BCKDHB: variants seen among roughly 807,000 people sequenced by gnomAD.
The protein encoded by BCKDHB is 2-oxoisovalerate dehydrogenase subunit beta, mitochondrial.
Under a neutral mutation model 48.5 loss-of-function variants are expected in BCKDHB, and 41 were observed. The observed-to-expected ratio is 0.85, with a 90% confidence interval of 0.66 to 1.10. The LOEUF is 1.10. Ranked by LOEUF, BCKDHB falls within the 50% of genes least tolerant of loss-of-function variation. The pLI is 0.00. For synonymous variants in BCKDHB, 201 were observed against 174.8 expected, an observed-to-expected ratio of 1.15 and a Z score of -1.18; for missense variants, 496 against 494.2, an observed-to-expected ratio of 1.00 and a Z score of -0.03.
intron 1 of BCKDHB, among the ~76,000 whole-genome samples, chr6:80,111,109 A>G (rs188275617): frequency 9.8e-5 from 15 of 152,320 alleles, no homozygotes; most frequent in African/African-American, 3.4e-4. Flanking sequence ...CAATTTGACA[A>G]ATCAAAGGAG....
chr6:80,299,542 G>T (rs966180573), intron 9 of BCKDHB, among the ~76,000 whole-genome samples: 1 of 152,126 alleles, frequency 6.6e-6, no homozygotes, highest in African/African-American at 2.4e-5. Flanking sequence ...TAAAGTGAAA[G>T]CAAGTTTATT....
the BCKDHB span, among the ~76,000 whole-genome samples, chr6:80,410,213 T>A: frequency 6.6e-6 from 1 of 152,212 alleles, no homozygotes; most frequent in Non-Finnish European, 1.5e-5. Flanking sequence ...TGAAGCTTTG[T>A]TTGGCTGGAT....
At chr6:80,466,285 CTTATTTACGTACA>C in the BCKDHB span, among the ~76,000 whole-genome samples, 1 of 152,012 alleles carries the variant, frequency 6.6e-6, no homozygotes, top group African/African-American at 2.4e-5. Context: ...TTCTATTTCT[CTTATTTACGTACA>C]TTATTAACAA....
chr6:80,295,697 T>A (rs1181961824), intron 9 of BCKDHB, among the ~76,000 whole-genome samples: 2 of 151,856 alleles, frequency 1.3e-5, no homozygotes, highest in Non-Finnish European at 2.9e-5. Context: ...TACTCACAAC[T>A]AGTTTGCAAA....
At chr6:80,440,959 G>A in the BCKDHB span, 2 of 152,242 alleles carry the variant, frequency 1.3e-5, no homozygotes, top group South Asian at 4.1e-4. Flanking sequence ...TACAGTCCAG[G>A]TGGCTGGTGG....
chr6:80,461,756 C>T, the BCKDHB span, among the ~76,000 whole-genome samples: 4 of 152,156 alleles, frequency 2.6e-5, no homozygotes, highest in Admixed American at 6.5e-5. Context: ...CTATGCCCTT[C>T]CTTCTTCCTG....
intron 3 of BCKDHB, among the ~76,000 whole-genome samples, chr6:80,138,942 C>T (rs1404868522): frequency 2.6e-5 from 4 of 152,196 alleles, no homozygotes; most frequent in Non-Finnish European, 4.4e-5. Context: ...GTTCCTATTT[C>T]TCCACATCCT....
intron 1 of BCKDHB, among the ~76,000 whole-genome samples, chr6:80,120,749 A>C (rs1769968091): frequency 6.6e-6 from 1 of 152,168 alleles, no homozygotes; most frequent in East Asian, 1.9e-4. Flanking sequence ...TTCTTTGTAG[A>C]TTCTGGATAT....
intron 8 of BCKDHB, among the ~76,000 whole-genome samples, chr6:80,257,342 C>T (rs9341809): frequency 0.78 from 109,954 of 140,916 alleles, 40,996 homozygotes; most frequent in African/African-American, 0.87. Flanking sequence ...TGTATCTATA[C>T]ACACACACAC....
chr6:80,311,858 A>G (rs1174947450), intron 9 of BCKDHB, among the ~76,000 whole-genome samples: 1 of 152,106 alleles, frequency 6.6e-6, no homozygotes, highest in Admixed American at 6.6e-5. Flanking sequence ...GTCGAGTAAC[A>G]TTGATGCCTC....
chr6:80,419,002 G>T, the BCKDHB span, among the ~76,000 whole-genome samples: 2 of 152,182 alleles, frequency 1.3e-5, no homozygotes, highest in African/African-American at 2.4e-5. Context: ...GGTCACTCAG[G>T]TCAGGGCAGA....
chr6:80,396,041 T>C, the BCKDHB span, among the ~76,000 whole-genome samples: 1 of 152,148 alleles, frequency 6.6e-6, no homozygotes, highest in Non-Finnish European at 1.5e-5. Flanking sequence ...CAGGCAGAAG[T>C]TTGCTGTAGA....
intron 9 of BCKDHB, among the ~76,000 whole-genome samples, chr6:80,306,575 T>C (rs532332177): frequency 1.3e-5 from 2 of 152,170 alleles, no homozygotes; most frequent in African/African-American, 2.4e-5. Flanking sequence ...CAGAAATCAG[T>C]TAATTAAAAA....
intron 8 of BCKDHB, among the ~76,000 whole-genome samples, chr6:80,230,540 A>C (rs1775884841): frequency 6.6e-6 from 1 of 152,164 alleles, no homozygotes; most frequent in Non-Finnish European, 1.5e-5. Flanking sequence ...GCCAGATAGT[A>C]AATATTTTCA....
chr6:80,401,152 C>T, the BCKDHB span, among the ~76,000 whole-genome samples: 1 of 146,954 alleles, frequency 6.8e-6, no homozygotes, highest in Middle Eastern at 3.3e-3. Context: ...CCCTGTACAA[C>T]AAACCCCTGT....
intron 9 of BCKDHB, among the ~76,000 whole-genome samples, chr6:80,339,594 A>T (rs1283105781): frequency 6.6e-6 from 1 of 152,188 alleles, no homozygotes; most frequent in African/African-American, 2.4e-5. Context: ...AGTTATGCTT[A>T]TTGGAATCAT....
intron 3 of BCKDHB, among the ~76,000 whole-genome samples, chr6:80,139,518 A>G (rs1771073712): frequency 6.7e-6 from 1 of 150,360 alleles, no homozygotes; most frequent in Non-Finnish European, 1.5e-5. Context: ...AGCTTTCTAC[A>G]TATGGCTAGC....
chr6:80,260,818 C>T (rs1034267157), intron 8 of BCKDHB, among the ~76,000 whole-genome samples: 2 of 152,068 alleles, frequency 1.3e-5, no homozygotes, highest in Non-Finnish European at 1.5e-5. Flanking sequence ...CTGCCTGATT[C>T]GGTGTATAAT....
rs3840387 is a variant in BCKDHB at position 80,205,791 on chromosome 6, GGTGTGTGTGTGTGTGTGTGTGTGTGT to G, written c.951+2598_951+2623del. On this transcript the variant is annotated intron_variant, in intron 8 of 9. Transcript: ENST00000320393. Reference sequence around the variant, plus strand: ...AGACAGAGACCTACCCTGTGCCATGGGTGTGTGTGTGTGTGTGTGTGTGTGTGTGTGTGTGTGTGTGTGTAGGTGGA... The same window carrying G: ...AGACAGAGACCTACCCTGTGCCATGGGTGTGTGTGTGTGTGTGTAGGTGGA... Among the ~76,000 whole-genome samples, 5 of 135,106 alleles carry G rather than the reference GGTGTGTGTGTGTGTGTGTGTGTGTGT, an allele frequency of 3.7e-5. No homozygotes were observed. In the Admixed American group the frequency reaches 3.7e-4, roughly 10 times the overall value. 88.6% of individuals were successfully genotyped at this position (135,106 alleles called of 152,430 possible).
Sources: gnomAD v4.1 joint callset for allele counts (sites outside exome capture counted in the v4.1 genomes callset) on GRCh38, gnomAD v4.1.1 for gene constraint, MANE v1.5 for transcripts, NCBI Gene and HGNC (gene_info 2026-07-23, HGNC 2026-07-21) for gene names.